The following CCDC7 variants were observed in gnomAD, a reference collection of about 807,000 sequenced individuals.
CCDC7 encodes the protein coiled-coil domain containing 7, also known as coiled-coil domain-containing protein 7.
In CCDC7, 183 loss-of-function variants were observed where a neutral mutation model predicts 196.9. The observed-to-expected ratio is 0.93, with a 90% confidence interval of 0.82 to 1.05. The LOEUF is 1.05. CCDC7 is among the 50% of genes least tolerant of loss of function. The pLI is 0.00. For missense variants in CCDC7, 1,540 were observed against 1,482.2 expected, an observed-to-expected ratio of 1.04 and a Z score of -0.64; for synonymous variants, 525 against 484.6, an observed-to-expected ratio of 1.08 and a Z score of -1.10.
chr10:32,796,715 A>G (rs962526218), intron 29 of CCDC7, among the ~76,000 whole-genome samples: 1 of 152,170 alleles, frequency 6.6e-6, no homozygotes, highest in Non-Finnish European at 1.5e-5. Context: ...TGAGATATCT[A>G]TTTCCCAGAA....
rs572421576 is a variant in CCDC7 at position 32,612,551 on chromosome 10, G to A, written c.1802-21703G>A. The stretch of plus-strand genomic sequence containing the variant: ...GCCCATTCAGTATGATATGGGCTGT[G>A]GGTTTGTCGTAAATAGCTCTTATTA... On this transcript the variant is annotated intron_variant, in intron 18 of 41. Coordinates refer to ENST00000639629, the Ensembl canonical transcript of CCDC7. Among the ~76,000 whole-genome samples the A allele has an allele frequency of 2.6e-5, 4 of 152,192 alleles. No individual in the cohort carries two copies. In the South Asian group the frequency reaches 8.3e-4, roughly 32 times the overall value.
intron 26 of CCDC7, among the ~76,000 whole-genome samples, chr10:32,727,704 C>T (rs1232205293): frequency 6.6e-6 from 1 of 152,134 alleles, no homozygotes; most frequent in Non-Finnish European, 1.5e-5. Context: ...CCTAATATAT[C>T]GCTTTCCTGC....
At chr10:32,715,781 C>A (rs1328994108) in intron 25 of CCDC7, among the ~76,000 whole-genome samples, 1 of 152,022 alleles carries the variant, frequency 6.6e-6, no homozygotes, top group Non-Finnish European at 1.5e-5. Flanking sequence ...ATGAATCAAT[C>A]AAGTGGAAGA....
intron 32 of CCDC7, among the ~76,000 whole-genome samples, chr10:32,828,561 A>AAGAAGAAGAAT (rs1565636149): frequency 6.3e-5 from 9 of 142,660 alleles, no homozygotes; most frequent in African/African-American, 2.1e-4. Flanking sequence ...AGAAGAAGAA[A>AAGAAGAAGAAT]GAAGAAGAAG....
chr10:32,736,770 T>C (rs1310341499), intron 28 of CCDC7, among the ~76,000 whole-genome samples: 2 of 152,200 alleles, frequency 1.3e-5, no homozygotes, highest in African/African-American at 4.8e-5. Flanking sequence ...ACCTTGTATC[T>C]AGCAACCTTG....
chr10:32,860,878 G>A (rs563754409), intron 41 of CCDC7, among the ~76,000 whole-genome samples: 10 of 152,040 alleles, frequency 6.6e-5, no homozygotes, highest in African/African-American at 2.4e-4. Flanking sequence ...TCTTCAAGGA[G>A]AACTACAAAC....
At chr10:32,706,130 C>T (rs2079700408) in intron 24 of CCDC7, among the ~76,000 whole-genome samples, 1 of 152,124 alleles carries the variant, frequency 6.6e-6, no homozygotes, top group Non-Finnish European at 1.5e-5. Flanking sequence ...TCTCAGACCA[C>T]AGTGCAATCA....
upstream of CCDC7, among the ~76,000 whole-genome samples, chr10:32,443,848 T>A (rs149239579): frequency 4.4e-3 from 663 of 152,354 alleles, 4 homozygotes; most frequent in African/African-American, 0.015. Flanking sequence ...TGGATTTTGA[T>A]CATAAACGCA....
At chr10:32,700,827 G>A (rs2078581938) in intron 24 of CCDC7, among the ~76,000 whole-genome samples, 1 of 152,102 alleles carries the variant, frequency 6.6e-6, no homozygotes, top group East Asian at 1.9e-4. Context: ...AATGTGAATG[G>A]GAATTCACTC....
In CCDC7 at chr10:32,590,494, G is replaced by A. The variant is rs536904303; in HGVS notation, c.1801+6190G>A. On this transcript the variant is annotated intron_variant, in intron 18 of 41. Transcript: ENST00000639629. ...TTATTTTTAATTGGTTCATTATTTA[G>A]TCTTTCTACTTAAGAGTATTTTACA... Among the ~76,000 whole-genome samples the A allele has an allele frequency of 2.0e-5, 3 of 152,012 alleles. No homozygotes were observed. The South Asian group carries it at 6.2e-4, about 32-fold the overall frequency.
At chr10:32,643,603 G>T (rs949805184) in intron 20 of CCDC7, among the ~76,000 whole-genome samples, 2 of 151,332 alleles carry the variant, frequency 1.3e-5, no homozygotes, top group Non-Finnish European at 3.0e-5. Flanking sequence ...ATTTCTTTAT[G>T]TTGGAATCTT....
intron 9 of CCDC7, among the ~76,000 whole-genome samples, chr10:32,506,221 G>A (rs950588189): frequency 1.5e-4 from 22 of 150,262 alleles, no homozygotes; most frequent in Non-Finnish European, 3.1e-4. Flanking sequence ...TCCCAGACGG[G>A]GTGGCCGGGC....
chr10:32,877,708 T>C (rs188693815), downstream of CCDC7, among the ~76,000 whole-genome samples: 1 of 152,250 alleles, frequency 6.6e-6, no homozygotes, highest in Admixed American at 6.5e-5. Flanking sequence ...GAATACTTAT[T>C]TGATTAAATG....
intron 18 of CCDC7, among the ~76,000 whole-genome samples, chr10:32,629,995 G>C (rs1020537568): frequency 6.6e-6 from 1 of 152,192 alleles, no homozygotes; most frequent in African/African-American, 2.4e-5. Context: ...AAAGGCACAG[G>C]GATTGCTGTG....
intron 20 of CCDC7, among the ~76,000 whole-genome samples, chr10:32,644,443 T>C (rs1219493843): frequency 7.2e-5 from 11 of 152,202 alleles, no homozygotes; most frequent in Non-Finnish European, 1.6e-4. Flanking sequence ...TGAGATCATA[T>C]GGAGTTTGTC....
chr10:32,646,861 G>A (rs2067853884), intron 20 of CCDC7, among the ~76,000 whole-genome samples: 1 of 152,120 alleles, frequency 6.6e-6, no homozygotes. Context: ...GTATTAATTT[G>A]TTTAGGATTA....
intron 18 of CCDC7, among the ~76,000 whole-genome samples, chr10:32,604,374 C>G (rs779203039): frequency 6.6e-6 from 1 of 151,964 alleles, no homozygotes; most frequent in Non-Finnish European, 1.5e-5. Flanking sequence ...TAGTGTGATG[C>G]CTTCAATTTG....
chr10:32,856,286 TG>T, intron 41 of CCDC7, among the ~76,000 whole-genome samples: 1 of 152,088 alleles, frequency 6.6e-6, no homozygotes. Flanking sequence ...AACCACAGAA[TG>T]GGAGAAAATA....
chr10:32,812,433 T>C (rs989025542), intron 30 of CCDC7, among the ~76,000 whole-genome samples: 3 of 152,070 alleles, frequency 2.0e-5, no homozygotes, highest in African/African-American at 7.2e-5. Flanking sequence ...TTTACAAATG[T>C]GCTATGTATA....
Sources: gnomAD v4.1 joint callset for allele counts (sites outside exome capture counted in the v4.1 genomes callset) on GRCh38, gnomAD v4.1.1 for gene constraint, MANE v1.5 for transcripts, NCBI Gene and HGNC (gene_info 2026-07-23, HGNC 2026-07-21) for gene names.